Variants in MYOM2 observed in about 807,000 individuals in gnomAD.
MYOM2 encodes myomesin 2, also known as myomesin-2.
Under a neutral mutation model 187.6 loss-of-function variants are expected in MYOM2, and 254 were observed. The observed-to-expected ratio is 1.35, with a 90% confidence interval of 1.22 to 1.50. The LOEUF (loss-of-function observed/expected upper bound fraction) is 1.50, where lower values mean the gene tolerates loss of function less well. Ranked by LOEUF, MYOM2 falls within the 40% of genes most tolerant of loss-of-function variation. MYOM2 has a pLI of 0.00. For missense variants in MYOM2, 2,796 were observed against 1,924.0 expected (o/e 1.45, Z -8.48); for synonymous variants, 981 against 753.8 (o/e 1.30, Z -4.94).
rs147766516 is a variant in MYOM2, at chr8:2,098,975, C to G, written c.2432C>G (p.Pro811Arg). ...EHFKCEAWTM[P>R]EPGPAYDLTF... ...TTCAAGTGTGAGGCCTGGACCATGCCGGAGCCCGGTGAGTCGCTGCCCCCA... is the reference window on the plus strand; with the variant it reads ...TTCAAGTGTGAGGCCTGGACCATGCGGGAGCCCGGTGAGTCGCTGCCCCCA... Residue 811 changes from proline to arginine, a missense_variant, in exon 19 of 37, where the codon CCG becomes CGG. Coordinates refer to ENST00000262113, the MANE Select transcript of MYOM2 (RefSeq NM_003970.4). 9 of 1,603,878 alleles carry G rather than the reference C, an allele frequency of 5.6e-6. No homozygotes were observed. The highest frequency in any genetic ancestry group is 1.7e-5 in the Admixed American group (1 of 59,664).
At chr8:2,127,506 T>C (rs4876220) in intron 31 of MYOM2, among the ~76,000 whole-genome samples, 68,621 of 152,184 alleles carry the variant, frequency 0.45, 15,845 homozygotes, top group Non-Finnish European at 0.5. Context: ...GTCCCTCAGG[T>C]TCCTGGGTGG....
At chr8:2,055,618 A>G (rs1818637533) in intron 3 of MYOM2, among the ~76,000 whole-genome samples, 1 of 152,172 alleles carries the variant, frequency 6.6e-6, no homozygotes, top group African/African-American at 2.4e-5. Context: ...TCATTTCTGT[A>G]CGAAGAGGCT....
intron 13 of MYOM2, 57 bp downstream of exon 13, chr8:2,079,670 T>A: frequency 6.4e-7 from 1 of 1,561,890 alleles, no homozygotes; most frequent in Non-Finnish European, 8.8e-7. Flanking sequence ...GAGTTGTAAT[T>A]AGAGATGGGA....
chr8:2,059,016 G>T, intron 5 of MYOM2, 137 bp from the exon 6 acceptor site: 2 of 682,280 alleles, frequency 2.9e-6, no homozygotes, highest in Non-Finnish European at 5.1e-6. Flanking sequence ...CACCGTCAGG[G>T]CTCTGTCCTC....
chr8:2,060,615 C>T (rs1423370496), intron 6 of MYOM2, among the ~76,000 whole-genome samples: 34 of 152,150 alleles, frequency 2.2e-4, no homozygotes. Flanking sequence ...GGCCTCTGTT[C>T]TTCAGAGGAA....
intron 28 of MYOM2, among the ~76,000 whole-genome samples, chr8:2,121,869 C>T: frequency 6.6e-6 from 1 of 152,136 alleles, no homozygotes; most frequent in East Asian, 1.9e-4. Flanking sequence ...AATCATCTTT[C>T]CTAGACATTC....
intron 13 of MYOM2, among the ~76,000 whole-genome samples, chr8:2,080,646 T>G (rs1382706357): frequency 1.3e-5 from 2 of 152,218 alleles, no homozygotes. Flanking sequence ...CCTGGGCATC[T>G]GGCTTTTTGA....
intron 22 of MYOM2, 38 bp from the exon 23 acceptor site, chr8:2,106,451 CAG>C: frequency 6.2e-7 from 1 of 1,609,806 alleles, no homozygotes; most frequent in African/African-American, 1.3e-5. Flanking sequence ...TTCCTGCAAA[CAG>C]AAATGATCGA....
intron 28 of MYOM2, chr8:2,119,160 A>G (rs1400487859): frequency 6.6e-6 from 1 of 152,360 alleles, no homozygotes; most frequent in African/African-American, 2.4e-5. Flanking sequence ...CAGCAATGGG[A>G]AAGTCATCTG....
rs369971837 is a variant in MYOM2 at position 2,085,378 on chromosome 8, C to T, written c.1632C>T (p.Tyr544=). ...PTPRGKDPLM[Y]FIEKSVVGSG... is the part of the protein sequence containing the mutation. ...CCCGTGGCAAGGACCCGCTCATGTACTTCATTGAGAAGGTAAACTCCGGGC... is the reference window on the plus strand; with the variant it reads ...CCCGTGGCAAGGACCCGCTCATGTATTTCATTGAGAAGGTAAACTCCGGGC... The change falls in exon 14 of 37, where the codon TAC becomes TAT. Residue 544 remains tyrosine, a synonymous_variant. Transcript: ENST00000262113. The T allele has an allele frequency of 2.7e-5, 43 of 1,611,922 alleles. No individual in the cohort carries two copies. The highest frequency in any genetic ancestry group is 3.5e-5 in the Non-Finnish European group (41 of 1,179,444).
intron 31 of MYOM2, among the ~76,000 whole-genome samples, chr8:2,128,352 T>C (rs1021706123): frequency 2.0e-5 from 3 of 152,240 alleles, no homozygotes; most frequent in Non-Finnish European, 4.4e-5. Context: ...TGTTACACTA[T>C]CCTCCACAAC....
At chr8:2,067,748 T>C (rs1270425058) in intron 6 of MYOM2, among the ~76,000 whole-genome samples, 1 of 28,026 alleles carries the variant, frequency 3.6e-5, no homozygotes, top group Admixed American at 6.9e-4. Flanking sequence ...TAAGTCATGT[T>C]TTTTTTTGTT....
At position 2,143,433 on chromosome 8, in the gene MYOM2, G is replaced by A. The variant is rs752562809; in HGVS notation, c.4057G>A (p.Val1353Met). ...RGRLIGGLPD[V>M]VTIMEGKTLN... ...CAGGTTGATCGGCGGCTTGCCTGAC[G>A]TGGTGACCATCATGGAAGGGAAGGT... is the stretch of plus-strand genomic sequence containing the variant. The change falls in exon 36 of 37, where the codon GTG (valine) becomes ATG (methionine). Residue 1353 changes from valine to methionine, a missense_variant. Transcript: ENST00000262113. The A allele has an allele frequency of 5.0e-5, 81 of 1,613,890 alleles. No individual in the cohort carries two copies. Among genetic ancestry groups the A allele is most frequent in the Non-Finnish European group, 6.5e-5 (77 of 1,180,032 alleles).
chr8:2,128,983 A>G, intron 31 of MYOM2, 144 bp from the exon 32 acceptor site: 2 of 575,968 alleles, frequency 3.5e-6, no homozygotes, highest in Non-Finnish European at 6.3e-6. Context: ...AAGTATAAGA[A>G]TTTGTGGCTG....
At chr8:2,087,257 T>C (rs1796124917) in intron 14 of MYOM2, among the ~76,000 whole-genome samples, 1 of 152,174 alleles carries the variant, frequency 6.6e-6, no homozygotes, top group Non-Finnish European at 1.5e-5. Flanking sequence ...TAACAGAGAA[T>C]ATAACATATA....
chr8:2,083,860 C>A lies in MYOM2; in HGVS notation c.1517-1403C>A, dbSNP rs572193418. 2.6e-5 allele frequency among the ~76,000 whole-genome samples: 4 copies of A among 152,312 alleles called. No individual in the cohort carries two copies. The East Asian group carries it at 7.7e-4, about 29-fold the overall frequency. ...TGCTGACAAAGCTGTGTTCTTCCTT[C>A]TCACCTTGTCATCAAAGGAACTGTC... On this transcript the variant is annotated intron_variant, in intron 13 of 36. Transcript: ENST00000262113.
At chr8:2,113,647 T>C (rs10098939) in intron 25 of MYOM2, among the ~76,000 whole-genome samples, 30,474 of 152,064 alleles carry the variant, frequency 0.2, 3,232 homozygotes, top group African/African-American at 0.27. Flanking sequence ...AAGGTCTCAG[T>C]TGATCAAGAA....
At chr8:2,136,802 T>C (rs3779825) in intron 32 of MYOM2, among the ~76,000 whole-genome samples, 20,065 of 152,212 alleles carry the variant, frequency 0.13, 2,252 homozygotes, top group African/African-American at 0.29. Flanking sequence ...GTAAGCAAGT[T>C]GCTAATTGTG....
chr8:2,083,232 A>T (rs997201948), intron 13 of MYOM2, among the ~76,000 whole-genome samples: 3 of 152,088 alleles, frequency 2.0e-5, no homozygotes, highest in Non-Finnish European at 2.9e-5. Context: ...CCCAATACTC[A>T]ATTGGGTGAG....
Sources: allele counts gnomAD v4.1 joint callset (sites outside exome capture counted in the v4.1 genomes callset), GRCh38; gene constraint gnomAD v4.1.1; transcripts MANE v1.5; gene names NCBI Gene and HGNC (gene_info 2026-07-23, HGNC 2026-07-21).